The following PRDM16 variants were observed in gnomAD, a reference collection of about 807,000 sequenced individuals.
PRDM16 encodes the protein PR/SET domain 16.
In PRDM16, 23 loss-of-function variants were observed where a neutral mutation model predicts 110.6. The ratio of observed to expected loss-of-function variants is 0.21; its 90% CI spans 0.15 to 0.29. PRDM16 has a LOEUF of 0.29. PRDM16 is among the 10% of genes least tolerant of loss of function. PRDM16 has a pLI of 1.00. For missense variants in PRDM16, 1,615 were observed against 1,794.3 expected (o/e 0.90, Z 1.81); for synonymous variants, 799 against 781.8 (o/e 1.02, Z -0.37).
chr1:3,150,694 C>A (rs1259001209), intron 1 of PRDM16, among the ~76,000 whole-genome samples: 1 of 152,148 alleles, frequency 6.6e-6, no homozygotes, highest in Non-Finnish European at 1.5e-5. Flanking sequence ...CCCACCCTCC[C>A]AAGAATCTGG....
intron 7 of PRDM16, 21 bp downstream of exon 7, chr1:3,404,907 G>C (rs375796968): frequency 1.2e-6 from 2 of 1,609,962 alleles, no homozygotes; most frequent in Non-Finnish European, 1.7e-6. Flanking sequence ...GGGCGGCCCC[G>C]TCTCAGCCCC....
At chr1:3,408,814 G>T (rs1643612058) in intron 8 of PRDM16, among the ~76,000 whole-genome samples, 1 of 151,032 alleles carries the variant, frequency 6.6e-6, no homozygotes, top group Admixed American at 6.6e-5. Flanking sequence ...GAGCGCGTGT[G>T]GGCGCGTGAG....
chr1:3,298,516 C>T (rs769808933), intron 3 of PRDM16, among the ~76,000 whole-genome samples: 11 of 152,358 alleles, frequency 7.2e-5, no homozygotes, highest in East Asian at 1.9e-4. Flanking sequence ...CCCCCCGGCC[C>T]GGAGAGGGCA....
At chr1:3,279,434 A>T (rs1465168467) in intron 3 of PRDM16, among the ~76,000 whole-genome samples, 1 of 152,238 alleles carries the variant, frequency 6.6e-6, no homozygotes, top group Non-Finnish European at 1.5e-5. Context: ...CCAAGTGGCC[A>T]CACTGGCCGC....
chr1:3,316,674 A>G (rs762516052), intron 3 of PRDM16, among the ~76,000 whole-genome samples: 5 of 152,070 alleles, frequency 3.3e-5, no homozygotes, highest in Non-Finnish European at 7.4e-5. Flanking sequence ...TAGACAGGAA[A>G]CAGTGACACA....
intron 1 of PRDM16, among the ~76,000 whole-genome samples, chr1:3,106,937 C>A (rs1348921155): frequency 6.6e-6 from 1 of 152,230 alleles, no homozygotes; most frequent in Admixed American, 6.5e-5. Context: ...GCCCTGCCAC[C>A]CAGACGACCA....
rs1640271496 is a variant in PRDM16, at chr1:3,265,783, C to G, written c.438+21646C>G. Among the ~76,000 whole-genome samples the G allele has an allele frequency of 6.6e-6, 1 of 152,164 alleles. No homozygotes were observed. Among genetic ancestry groups the G allele is most frequent in the Non-Finnish European group, 1.5e-5 (1 of 68,012 alleles). The stretch of plus-strand genomic sequence containing the variant: ...CATTATCCAGCTGGCACCTCACGCT[C>G]TGTCCTCACCGCCCAGACCCTAGGA... On this transcript the variant is annotated intron_variant, in intron 3 of 16. Transcript: ENST00000270722. The surrounding 1 kb of genome is among the most constrained non-coding windows in gnomAD (Gnocchi z 4.5).
At chr1:3,072,160 C>T (rs1183887651) in intron 1 of PRDM16, among the ~76,000 whole-genome samples, 6 of 152,110 alleles carry the variant, frequency 3.9e-5, no homozygotes, top group Admixed American at 1.3e-4. Flanking sequence ...GCGGTAGGGC[C>T]GGTGGGGTAG....
intron 3 of PRDM16, among the ~76,000 whole-genome samples, chr1:3,337,299 C>G (rs182969348): frequency 6.6e-6 from 1 of 152,184 alleles, no homozygotes; most frequent in African/African-American, 2.4e-5. Context: ...ATTCAGGAGA[C>G]AGGAGAGAAA....
intron 3 of PRDM16, among the ~76,000 whole-genome samples, chr1:3,341,371 A>G (rs1039120342): frequency 6.6e-6 from 1 of 152,132 alleles, no homozygotes; most frequent in Non-Finnish European, 1.5e-5. Context: ...GCTGCCTTAG[A>G]GAGCTTCCCA....
chr1:3,100,362 G>A (rs1391960780), intron 1 of PRDM16, among the ~76,000 whole-genome samples: 1 of 152,206 alleles, frequency 6.6e-6, no homozygotes, highest in East Asian at 1.9e-4. Flanking sequence ...CCTCTACTGG[G>A]TCCTCTCTTC....
chr1:3,306,167 C>G (rs1464252558), intron 3 of PRDM16, among the ~76,000 whole-genome samples: 2 of 152,216 alleles, frequency 1.3e-5, no homozygotes, highest in Non-Finnish European at 2.9e-5. Flanking sequence ...CAAGGGCCAT[C>G]AGGGCCACAT....
At chr1:3,266,536 C>G (rs541335202) in intron 3 of PRDM16, among the ~76,000 whole-genome samples, 1 of 152,200 alleles carries the variant, frequency 6.6e-6, no homozygotes, top group Non-Finnish European at 1.5e-5. Flanking sequence ...TCCGCTCCTC[C>G]GACGAGGAGA....
intron 1 of PRDM16, among the ~76,000 whole-genome samples, chr1:3,114,482 ACGCACGCACG>A: frequency 7.1e-6 from 1 of 141,746 alleles, no homozygotes; most frequent in Non-Finnish European, 1.5e-5. Flanking sequence ...GTAAACAGAC[ACGCACGCACG>A]CACACACGCG....
chr1:3,309,958 C>G (rs1641409979), intron 3 of PRDM16: 1 of 152,262 alleles, frequency 6.6e-6, no homozygotes, highest in Non-Finnish European at 1.5e-5. Flanking sequence ...ACACAGGGGC[C>G]AGGCACACCC....
chr1:3,341,399 G>T (rs1237474439), intron 3 of PRDM16, among the ~76,000 whole-genome samples: 1 of 152,186 alleles, frequency 6.6e-6, no homozygotes, highest in East Asian at 1.9e-4. Flanking sequence ...GGGAAGCAAG[G>T]GGGGCAACCT....
chr1:3,404,323 G>A (rs1488032379), intron 6 of PRDM16, among the ~76,000 whole-genome samples: 1 of 152,214 alleles, frequency 6.6e-6, no homozygotes, highest in Non-Finnish European at 1.5e-5. Flanking sequence ...CCAGCACTCA[G>A]AGGGGCATCC....
chr1:3,185,816 A>G (rs937456434), intron 1 of PRDM16, among the ~76,000 whole-genome samples: 2 of 152,206 alleles, frequency 1.3e-5, no homozygotes, highest in African/African-American at 4.8e-5. Context: ...CACCCGGCGC[A>G]TCCTCAGGTG....
At position 3,246,224 on chromosome 1, in the gene PRDM16, C is replaced by T. The variant is rs755193070; in HGVS notation, c.438+2087C>T. 5.9e-5 allele frequency among the ~76,000 whole-genome samples: 9 copies of T among 152,078 alleles called. No homozygotes were observed. Among genetic ancestry groups the T allele is most frequent in the Admixed American group, 1.3e-4 (2 of 15,264 alleles). ...GCCATTAGGTCTCGCTCAGTGTGGC[C>T]CAAGGTCATTCTTGAGAGCGGCTCC... On this transcript the variant is annotated intron_variant, in intron 3 of 16. Coordinates refer to ENST00000270722, the MANE Select transcript of PRDM16 (RefSeq NM_022114.4). This position sits in a 1 kb window ranked among gnomAD's most constrained non-coding sequence, Gnocchi z 5.2.
Sources: gnomAD v4.1 joint callset for allele counts (sites outside exome capture counted in the v4.1 genomes callset) on GRCh38, gnomAD v4.1.1 for gene constraint, Gnocchi (gnomAD v3.1) non-coding constraint, MANE v1.5 for transcripts, NCBI Gene and HGNC (gene_info 2026-07-23, HGNC 2026-07-21) for gene names.